Variants in RASSF8 observed in about 807,000 individuals in gnomAD.
RASSF8 encodes the protein ras association domain-containing protein 8.
Under a neutral mutation model 48.5 loss-of-function variants are expected in RASSF8, and 22 were observed. The ratio of observed to expected loss-of-function variants is 0.45; its 90% CI spans 0.32 to 0.65. RASSF8 has a LOEUF of 0.65. RASSF8 is among the 30% of genes least tolerant of loss of function. The pLI, the probability that RASSF8 is intolerant of heterozygous loss-of-function variation, is 0.03. For synonymous variants in RASSF8, 127 were observed against 171.5 expected (o/e 0.74, Z 2.03); for missense variants, 418 against 489.2 (o/e 0.85, Z 1.37).
rs1943942450 is a variant in RASSF8 at position 26,068,926 on chromosome 12, A to G, written c.*108A>G. Reference sequence around the variant, plus strand: ...GAGGATCTATTCCACAAGACGCTGTATGTTTTTTCTCTCCTAAATTGCATA... The same window carrying G: ...GAGGATCTATTCCACAAGACGCTGTGTGTTTTTTCTCTCCTAAATTGCATA... On this transcript the variant is annotated 3_prime_UTR_variant, in exon 6 of 6. Coordinates refer to ENST00000689635, the MANE Select transcript of RASSF8 (RefSeq NM_001394098.1). The G allele has an allele frequency of 2.1e-6, 3 of 1,461,010 alleles. No individual in the cohort carries two copies. The highest frequency in any genetic ancestry group is 2.3e-5 in the Admixed American group (1 of 43,176). The allele number at this position is 1,461,010 out of a possible 1,614,324, so 90.5% of individuals were successfully genotyped here. A position where few individuals can be genotyped will look rare whatever the true frequency, so the allele number is the denominator to read the frequency against.
chr12:26,032,653 C>G (rs1477115447), intron 2 of RASSF8, among the ~76,000 whole-genome samples: 2 of 151,998 alleles, frequency 1.3e-5, no homozygotes, highest in East Asian at 3.9e-4. Context: ...ACCCATGAAA[C>G]CTCCAAATCT....
intron 1 of RASSF8, among the ~76,000 whole-genome samples, chr12:25,992,880 A>G (rs1186055592): frequency 1.3e-5 from 2 of 152,234 alleles, no homozygotes; most frequent in Non-Finnish European, 2.9e-5. Flanking sequence ...TTGTCACTGC[A>G]GTTACCTGAC....
chr12:26,066,675 T>C (rs1438117125), intron 4 of RASSF8, among the ~76,000 whole-genome samples: 1 of 152,202 alleles, frequency 6.6e-6, no homozygotes, highest in African/African-American at 2.4e-5. Flanking sequence ...CACTGAAAAG[T>C]GTCTGATAAT....
At chr12:26,046,944 C>T (rs529862928) in intron 2 of RASSF8, among the ~76,000 whole-genome samples, 1 of 152,250 alleles carries the variant, frequency 6.6e-6, no homozygotes, top group South Asian at 2.1e-4. Context: ...GAAAGAAAGC[C>T]ATGAAATAGC....
chr12:26,041,145 G>T (rs1198034993), intron 2 of RASSF8, among the ~76,000 whole-genome samples: 2 of 151,972 alleles, frequency 1.3e-5, no homozygotes, highest in Admixed American at 6.6e-5. Flanking sequence ...TCCCACCTCA[G>T]CCTCCCAAAG....
rs1184484746 is a variant in RASSF8 at position 26,043,015 on chromosome 12, CTGTT to C, written c.-108-12215_-108-12212del. On this transcript the variant is annotated intron_variant, in intron 2 of 5. Coordinates refer to ENST00000689635, the MANE Select transcript of RASSF8 (RefSeq NM_001394098.1). ...TTCCCCCCCTAGTTAAGCATAAACT[CTGTT>C]TGTTTCCGTCCTGTACAATTAGTGC... Among the ~76,000 whole-genome samples the C allele has an allele frequency of 2.4e-4, 37 of 152,280 alleles. No homozygotes were observed. In the South Asian group the frequency reaches 7.3e-3, roughly 30 times the overall value.
intron 2 of RASSF8, among the ~76,000 whole-genome samples, chr12:26,018,169 A>G (rs1053956795): frequency 1.3e-5 from 2 of 152,152 alleles, no homozygotes; most frequent in Non-Finnish European, 2.9e-5. Context: ...GTTTTTGTTT[A>G]CTTTTTTTAA....
chr12:26,015,012 C>T (rs1489671482), intron 2 of RASSF8, among the ~76,000 whole-genome samples: 2 of 151,018 alleles, frequency 1.3e-5, no homozygotes, highest in Admixed American at 1.3e-4. Flanking sequence ...TTGAGACCAG[C>T]CTGGGCAACA....
chr12:26,076,081 TTC>T (rs769022114), downstream of RASSF8, among the ~76,000 whole-genome samples: 49 of 152,176 alleles, frequency 3.2e-4, no homozygotes, highest in Middle Eastern at 3.4e-3. Context: ...AAGAAACAAT[TTC>T]CCATCAATAT....
intron 2 of RASSF8, among the ~76,000 whole-genome samples, chr12:26,053,274 C>T (rs1024251385): frequency 2.0e-5 from 3 of 151,366 alleles, no homozygotes; most frequent in Non-Finnish European, 4.4e-5. Context: ...CCCTTTCTTG[C>T]TTGATTTCCC....
rs953328123 is a variant in RASSF8, at chr12:26,048,197, C to T, written c.-108-7039C>T. On this transcript the variant is annotated intron_variant, in intron 2 of 5. Transcript: ENST00000689635. ...TTAAAAGCACTCACTGTGCACTGTG[C>T]TGATCCATTTGGTTTCCGGGAACTC... Among the ~76,000 whole-genome samples, 8 of 152,224 alleles carry T rather than the reference C, an allele frequency of 5.3e-5. No individual in the cohort carries two copies. The South Asian group carries it at 1.2e-3, about 24-fold the overall frequency.
At chr12:26,061,511 ACAC>A (rs137895353) in intron 3 of RASSF8, among the ~76,000 whole-genome samples, 5,952 of 152,192 alleles carry the variant, frequency 0.039, 546 homozygotes, top group East Asian at 0.29. Context: ...TGATAGTGTC[ACAC>A]AGTCCTACAA....
chr12:25,987,802 A>G (rs896429682), intron 1 of RASSF8, among the ~76,000 whole-genome samples: 2 of 152,160 alleles, frequency 1.3e-5, no homozygotes, highest in African/African-American at 4.8e-5. Context: ...TTTTTTAAAA[A>G]GAGAATGAAG....
chr12:25,965,895 T>G (rs1941349410), intron 1 of RASSF8, among the ~76,000 whole-genome samples: 1 of 152,234 alleles, frequency 6.6e-6, no homozygotes, highest in South Asian at 2.1e-4. Context: ...CTGAGTAGTA[T>G]TTCATTGTGT....
chr12:26,039,666 T>C (rs1039296190), intron 2 of RASSF8, among the ~76,000 whole-genome samples: 5 of 152,210 alleles, frequency 3.3e-5, no homozygotes, highest in African/African-American at 1.2e-4. Context: ...CAGTAGTTGG[T>C]GATTCCCATG....
intron 1 of RASSF8, among the ~76,000 whole-genome samples, chr12:25,988,988 C>G (rs1941952567): frequency 6.6e-6 from 1 of 152,176 alleles, no homozygotes; most frequent in Non-Finnish European, 1.5e-5. Context: ...TTTTAGAAAG[C>G]ATCTCTGAGG....
At chr12:25,993,655 G>A (rs1163871765) in intron 1 of RASSF8, among the ~76,000 whole-genome samples, 2 of 152,048 alleles carry the variant, frequency 1.3e-5, no homozygotes, top group African/African-American at 2.4e-5. Context: ...GGATGGCACC[G>A]TCCACAGACA....
Position 26,055,453 on chromosome 12 carries a change from G to A in RASSF8, c.103+7G>A. ...GCCTTAGCTCAAGCAATAGGTGAGT[G>A]AACTCTGTGGGTATCTGAGAAAAGT... On this transcript the variant is annotated splice_region_variant and intron_variant, in intron 3 of 5. Transcript: ENST00000689635. 2 of 1,602,176 alleles carry A rather than the reference G, an allele frequency of 1.2e-6. No homozygotes were observed. Among genetic ancestry groups the A allele is most frequent in the South Asian group, 2.2e-5 (2 of 90,828 alleles).
chr12:26,079,371 T>C (rs762156369), exon 6 of RASSF8: 7 of 205,668 alleles, frequency 3.4e-5, no homozygotes, highest in East Asian at 1.2e-4. Flanking sequence ...AATCACAAGG[T>C]CAGGAGACTG....
Sources: gnomAD v4.1 joint callset for allele counts (sites outside exome capture counted in the v4.1 genomes callset) on GRCh38, gnomAD v4.1.1 for gene constraint, MANE v1.5 for transcripts, NCBI Gene and HGNC (gene_info 2026-07-23, HGNC 2026-07-21) for gene names.